RBMS3: variants seen among roughly 807,000 people sequenced by gnomAD.
RBMS3 encodes RNA-binding motif, single-stranded-interacting protein 3.
In RBMS3, 27 loss-of-function variants were observed where a neutral mutation model predicts 66.8. The ratio of observed to expected loss-of-function variants is 0.40; its 90% CI spans 0.30 to 0.56. The LOEUF is 0.56. Ranked by LOEUF, RBMS3 falls within the 20% of genes least tolerant of loss-of-function variation. The pLI is 0.40. For synonymous variants in RBMS3, 188 were observed against 183.0 expected (o/e 1.03, Z -0.22); for missense variants, 513 against 549.5 (o/e 0.93, Z 0.66).
chr3:29,387,824 G>T (rs945151143), intron 1 of RBMS3, among the ~76,000 whole-genome samples: 1 of 152,046 alleles, frequency 6.6e-6, no homozygotes. Flanking sequence ...CAAAAGTTTT[G>T]GATCTCATTC....
chr3:29,413,033 T>G (rs2040331232), intron 1 of RBMS3, among the ~76,000 whole-genome samples: 1 of 152,198 alleles, frequency 6.6e-6, no homozygotes, highest in Non-Finnish European at 1.5e-5. Context: ...AAGATGGCCC[T>G]GTTTGGACAT....
At chr3:29,535,183 G>A (rs189182066) in intron 3 of RBMS3, among the ~76,000 whole-genome samples, 18 of 152,216 alleles carry the variant, frequency 1.2e-4, no homozygotes, top group Non-Finnish European at 2.1e-4. Context: ...GGTTTTTAGA[G>A]CAAGTTTGAA....
At chr3:29,960,185 T>C (rs991672467) in intron 12 of RBMS3, among the ~76,000 whole-genome samples, 6 of 152,186 alleles carry the variant, frequency 3.9e-5, no homozygotes, top group African/African-American at 1.4e-4. Context: ...TGGATAAATA[T>C]ACTTATTCCA....
At chr3:29,803,871 A>G (rs1352514679) in intron 6 of RBMS3, among the ~76,000 whole-genome samples, 1 of 152,102 alleles carries the variant, frequency 6.6e-6, no homozygotes, top group East Asian at 1.9e-4. Flanking sequence ...CAAATGAGTA[A>G]TTATAAAGAA....
intron 10 of RBMS3, among the ~76,000 whole-genome samples, chr3:29,906,865 T>C (rs1545414): frequency 0.99 from 151,062 of 152,204 alleles, 74,969 homozygotes; most frequent in Middle Eastern, 1. Flanking sequence ...ATATATATCA[T>C]ATGTATGTGT....
intron 7 of RBMS3, among the ~76,000 whole-genome samples, chr3:29,870,087 G>A (rs537057407): frequency 9.9e-4 from 151 of 152,178 alleles, no homozygotes; most frequent in African/African-American, 3.6e-3. Context: ...ATTAAGACAT[G>A]AAAAACAGAA....
chr3:29,715,587 G>T (rs187972074), intron 4 of RBMS3, among the ~76,000 whole-genome samples: 1 of 152,028 alleles, frequency 6.6e-6, no homozygotes, highest in Non-Finnish European at 1.5e-5. Context: ...TATTGACAGC[G>T]TCTTCCCTTG....
At chr3:29,517,064 A>G (rs2044655117) in intron 3 of RBMS3, among the ~76,000 whole-genome samples, 1 of 151,836 alleles carries the variant, frequency 6.6e-6, no homozygotes, top group African/African-American at 2.4e-5. Flanking sequence ...ATACCAAAAA[A>G]TTATCTGGGT....
intron 12 of RBMS3, among the ~76,000 whole-genome samples, chr3:29,986,051 C>A (rs115839922): frequency 6.6e-6 from 1 of 152,078 alleles, no homozygotes; most frequent in Non-Finnish European, 1.5e-5. Context: ...GATACACATA[C>A]TAACTTACTG....
intron 4 of RBMS3, among the ~76,000 whole-genome samples, chr3:29,591,143 T>A (rs559540768): frequency 6.6e-6 from 1 of 152,266 alleles, no homozygotes; most frequent in Admixed American, 6.5e-5. Context: ...AAATTAATAA[T>A]AGTCCATCCC....
intron 2 of RBMS3, among the ~76,000 whole-genome samples, chr3:29,469,942 C>T (rs1220075908): frequency 1.4e-5 from 2 of 147,442 alleles, no homozygotes; most frequent in South Asian, 4.2e-4. Flanking sequence ...TAAATATATA[C>T]ATACATATTT....
At chr3:29,522,008 C>T (rs1460673219) in intron 3 of RBMS3, among the ~76,000 whole-genome samples, 2 of 152,184 alleles carry the variant, frequency 1.3e-5, no homozygotes, top group Non-Finnish European at 2.9e-5. Flanking sequence ...TTCATCTTAA[C>T]ATAATCCAGT....
intron 4 of RBMS3, among the ~76,000 whole-genome samples, chr3:29,589,742 A>G (rs2047660880): frequency 6.6e-6 from 1 of 152,066 alleles, no homozygotes; most frequent in South Asian, 2.1e-4. Flanking sequence ...AACTTGCACT[A>G]TATTTTTGGC....
chr3:29,504,974 A>G (rs1055758571), intron 3 of RBMS3, among the ~76,000 whole-genome samples: 1 of 152,050 alleles, frequency 6.6e-6, no homozygotes, highest in Non-Finnish European at 1.5e-5. Context: ...TATTAGATCT[A>G]TGGTTTGCAA....
intron 6 of RBMS3, among the ~76,000 whole-genome samples, chr3:29,794,727 C>T (rs1230302508): frequency 3.9e-5 from 6 of 152,170 alleles, no homozygotes; most frequent in African/African-American, 1.4e-4. Context: ...CTACTCGTCT[C>T]TGAAGAGATC....
chr3:29,391,239 T>C (rs2039280633), intron 1 of RBMS3: 1 of 155,238 alleles, frequency 6.4e-6, no homozygotes. Context: ...AAATGTTGGC[T>C]CAAAAAATTT....
intron 4 of RBMS3, among the ~76,000 whole-genome samples, chr3:29,593,369 G>A (rs1001678460): frequency 1.7e-4 from 26 of 152,084 alleles, no homozygotes; most frequent in African/African-American, 6.3e-4. Flanking sequence ...GAAGAAACAG[G>A]CTATTTGCTA....
intron 4 of RBMS3, among the ~76,000 whole-genome samples, chr3:29,701,436 C>G (rs1038525545): frequency 3.3e-5 from 5 of 152,220 alleles, no homozygotes; most frequent in African/African-American, 9.6e-5. Context: ...AGCCCTCGCT[C>G]GCCCTCGGTG....
intron 1 of RBMS3, among the ~76,000 whole-genome samples, chr3:29,307,379 C>A (rs1398484417): frequency 6.6e-6 from 1 of 151,938 alleles, no homozygotes; most frequent in Non-Finnish European, 1.5e-5. Context: ...ACAGCTGGTA[C>A]TGAGCAATGA....
Sources: allele counts gnomAD v4.1 joint callset (sites outside exome capture counted in the v4.1 genomes callset), GRCh38; gene constraint gnomAD v4.1.1; transcripts MANE v1.5; gene names NCBI Gene and HGNC (gene_info 2026-07-23, HGNC 2026-07-21).